ARMC2: variants seen among roughly 807,000 people sequenced by gnomAD.
The protein encoded by ARMC2 is armadillo repeat containing 2.
A neutral mutation model predicts 90.3 loss-of-function variants in ARMC2; 67 were observed. The observed-to-expected ratio is 0.74, with a 90% CI of 0.61 to 0.91. ARMC2 has a LOEUF of 0.91. Among genes scored for constraint, ARMC2 ranks in the 40% least tolerant of loss-of-function variants. The pLI is 0.00. For synonymous variants in ARMC2, 393 were observed against 393.0 expected, an observed-to-expected ratio of 1.00 and a Z score of 0.00; for missense variants, 920 against 1,030.9, an observed-to-expected ratio of 0.89 and a Z score of 1.47.
chr6:108,966,378 G>A (rs562537586), intron 17 of ARMC2, among the ~76,000 whole-genome samples: 17 of 152,192 alleles, frequency 1.1e-4, no homozygotes, highest in African/African-American at 3.9e-4. Flanking sequence ...TGTCCAGATT[G>A]CAGGGTGATA....
In ARMC2 at chr6:108,949,103, A is replaced by G. The variant is rs186257100; in HGVS notation, c.1597-3930A>G. Among the ~76,000 whole-genome samples, 425 of 152,328 alleles carry G rather than the reference A, an allele frequency of 2.8e-3. 1 individual carries two copies. Among genetic ancestry groups the G allele is most frequent in the African/African-American group, 9.9e-3 (412 of 41,574 alleles). On this transcript the variant is annotated intron_variant, in intron 12 of 17. Coordinates refer to ENST00000392644, the MANE Select transcript of ARMC2 (RefSeq NM_032131.6). ...AATTGTTTAGTCCTGGTAACAATTT[A>G]GGGTACAAAATGCAAATATTAATTA...
chr6:108,935,052 T>C (rs1284513860), intron 11 of ARMC2, among the ~76,000 whole-genome samples: 3 of 152,186 alleles, frequency 2.0e-5, no homozygotes, highest in Non-Finnish European at 4.4e-5. Flanking sequence ...AACTAGTATG[T>C]CATAGAGCTG....
chr6:108,862,688 GGA>G (rs1775395753), intron 3 of ARMC2, among the ~76,000 whole-genome samples: 1 of 152,102 alleles, frequency 6.6e-6, no homozygotes. Flanking sequence ...GGAGATAACT[GGA>G]GAGAGAGGGA....
At chr6:109,051,778 A>G in the ARMC2 span, among the ~76,000 whole-genome samples, 20 of 152,330 alleles carry the variant, frequency 1.3e-4, no homozygotes, top group African/African-American at 4.6e-4. Flanking sequence ...TGGAAAGTCC[A>G]GGGTCAAGAT....
intron 6 of ARMC2, among the ~76,000 whole-genome samples, chr6:108,896,051 T>C (rs1003626467): frequency 6.6e-6 from 1 of 152,242 alleles, no homozygotes; most frequent in Non-Finnish European, 1.5e-5. Context: ...CTTCAAAATT[T>C]AGTTTTTTAT....
At chr6:108,969,284 A>C (rs1033461274) in intron 17 of ARMC2, among the ~76,000 whole-genome samples, 1 of 152,232 alleles carries the variant, frequency 6.6e-6, no homozygotes, top group Non-Finnish European at 1.5e-5. Context: ...TAAATCCCTT[A>C]AACAGCCATC....
At chr6:108,871,128 G>A (rs1267714669) in intron 4 of ARMC2, among the ~76,000 whole-genome samples, 2 of 152,196 alleles carry the variant, frequency 1.3e-5, no homozygotes, top group Admixed American at 6.5e-5. Context: ...GACCGGGCAC[G>A]AGAGCAAGTG....
chr6:108,859,238 T>C (rs1341820160), intron 3 of ARMC2, among the ~76,000 whole-genome samples: 1 of 152,138 alleles, frequency 6.6e-6, no homozygotes, highest in Non-Finnish European at 1.5e-5. Flanking sequence ...CTTGGAGAAC[T>C]CTTCACACGT....
the ARMC2 span, among the ~76,000 whole-genome samples, chr6:109,040,040 T>C: frequency 6.6e-6 from 1 of 152,216 alleles, no homozygotes; most frequent in East Asian, 1.9e-4. Context: ...GAACCACGAC[T>C]GGGAAAACAA....
chr6:108,993,121 A>G, the ARMC2 span: 1 of 444,006 alleles, frequency 2.3e-6, no homozygotes, highest in African/African-American at 2.0e-5. Flanking sequence ...TGAATTCTCT[A>G]TGCCTTTTAT....
the ARMC2 span, among the ~76,000 whole-genome samples, chr6:109,041,988 G>A: frequency 9.9e-5 from 15 of 152,190 alleles, 1 homozygote; most frequent in Middle Eastern, 0.017. Flanking sequence ...TGAAAATCAT[G>A]CAAAGTATGT....
chr6:108,961,525 T>C (rs1777997762), intron 13 of ARMC2, 47 bp from the exon 14 acceptor site: 1 of 1,541,928 alleles, frequency 6.5e-7, no homozygotes, highest in Non-Finnish European at 8.7e-7. Flanking sequence ...TAGTTGGTTC[T>C]ACTCCTGCAG....
intron 12 of ARMC2, among the ~76,000 whole-genome samples, chr6:108,943,386 A>C (rs1776590827): frequency 6.6e-6 from 1 of 152,170 alleles, no homozygotes; most frequent in African/African-American, 2.4e-5. Flanking sequence ...ATTTACAAGA[A>C]TTCATATTAT....
intron 10 of ARMC2, among the ~76,000 whole-genome samples, chr6:108,922,363 CTG>C (rs1252634464): frequency 7.9e-5 from 12 of 152,064 alleles, no homozygotes; most frequent in African/African-American, 2.9e-4. Context: ...GCCTCAGCCT[CTG>C]GGGTTCAGGC....
At chr6:109,029,256 T>TG in the ARMC2 span, among the ~76,000 whole-genome samples, 19 of 152,184 alleles carry the variant, frequency 1.2e-4, no homozygotes, top group Non-Finnish European at 2.6e-4. Flanking sequence ...TCCTAGCCAC[T>TG]GATGACTAAG....
intron 10 of ARMC2, among the ~76,000 whole-genome samples, chr6:108,921,939 A>AT (rs1373584710): frequency 2.0e-5 from 3 of 152,208 alleles, no homozygotes; most frequent in Non-Finnish European, 4.4e-5. Flanking sequence ...CAATAGACCA[A>AT]GAAACTGAGG....
At chr6:109,022,072 TA>T in the ARMC2 span, among the ~76,000 whole-genome samples, 1 of 152,002 alleles carries the variant, frequency 6.6e-6, no homozygotes, top group Admixed American at 6.6e-5. Flanking sequence ...CTTCCCAGTA[TA>T]TATTTTTTGA....
At chr6:108,976,457 C>G (rs1268065234), downstream of ARMC2, among the ~76,000 whole-genome samples, 2 of 152,054 alleles carry the variant, frequency 1.3e-5, no homozygotes, top group African/African-American at 4.8e-5. Flanking sequence ...CAGCTTTGTT[C>G]TTTTTGCTTA....
chr6:108,993,077 G>T, the ARMC2 span: 1 of 534,144 alleles, frequency 1.9e-6, no homozygotes, highest in Non-Finnish European at 3.3e-6. Context: ...TGTAGTAAAA[G>T]GAGATTTTCT....
Sources: gnomAD v4.1 joint callset for allele counts (sites outside exome capture counted in the v4.1 genomes callset) on GRCh38, gnomAD v4.1.1 for gene constraint, MANE v1.5 for transcripts, NCBI Gene and HGNC (gene_info 2026-07-23, HGNC 2026-07-21) for gene names.